HMG20A: variants seen among roughly 807,000 people sequenced by gnomAD.
HMG20A encodes the protein high mobility group protein 20A.
HMG20A carries 17 observed loss-of-function variants against 43.9 expected under a neutral mutation model. That is an observed-to-expected ratio of 0.39 (90% CI 0.27 to 0.58). The LOEUF (loss-of-function observed/expected upper bound fraction) is 0.58, where lower values mean the gene tolerates loss of function less well. Among genes scored for constraint, HMG20A ranks in the 20% least tolerant of loss-of-function variants. The pLI is 0.59. For missense variants in HMG20A, 341 were observed against 438.2 expected, an observed-to-expected ratio of 0.78 and a Z score of 1.98; for synonymous variants, 132 against 147.5, an observed-to-expected ratio of 0.89 and a Z score of 0.76.
At chr15:77,490,227 G>A (rs911369486), downstream of HMG20A, among the ~76,000 whole-genome samples, 4 of 152,148 alleles carry the variant, frequency 2.6e-5, no homozygotes, top group Non-Finnish European at 5.9e-5. Flanking sequence ...GGTGGGGGTT[G>A]CAGTGAGCCA....
downstream of HMG20A, chr15:77,485,683 C>G (rs942382060): frequency 3.9e-5 from 6 of 152,200 alleles, no homozygotes; most frequent in African/African-American, 2.4e-5. Context: ...CCTGTAATCC[C>G]AACACTTTGG....
At chr15:77,479,376 T>A in intron 9 of HMG20A, 55 bp downstream of exon 9, 1 of 1,548,092 alleles carries the variant, frequency 6.5e-7, no homozygotes, top group Non-Finnish European at 8.8e-7. Context: ...AAATAAGATG[T>A]CATCAGACTT....
At chr15:77,469,100 G>A (rs952034374) in intron 4 of HMG20A, among the ~76,000 whole-genome samples, 16 of 151,640 alleles carry the variant, frequency 1.1e-4, no homozygotes, top group African/African-American at 3.6e-4. Flanking sequence ...TGCATAGGTG[G>A]TGGTGTGTTC....
chr15:77,514,875 G>T, the HMG20A span, among the ~76,000 whole-genome samples: 3 of 152,218 alleles, frequency 2.0e-5, no homozygotes, highest in African/African-American at 7.2e-5. Flanking sequence ...GCTTGACTCT[G>T]CATGTGCTGT....
chr15:77,464,908 CT>C (rs113381963), intron 3 of HMG20A: 3,317 of 145,230 alleles, frequency 0.023, 55 homozygotes, highest in African/African-American at 0.05. Flanking sequence ...TTAAGGCACT[CT>C]TTTTTTTTTT....
At chr15:77,462,772 C>CTTTTTTT (rs71145836) in intron 2 of HMG20A, among the ~76,000 whole-genome samples, 119 of 127,750 alleles carry the variant, frequency 9.3e-4, no homozygotes, top group Middle Eastern at 4.1e-3. Flanking sequence ...TTTTCTTTTT[C>CTTTTTTT]TTTTTTTTTT....
the HMG20A span, among the ~76,000 whole-genome samples, chr15:77,496,164 C>T: frequency 1.1e-4 from 17 of 152,178 alleles, no homozygotes; most frequent in Non-Finnish European, 2.2e-4. Flanking sequence ...CCAAATGTCC[C>T]TGTCTTAAAC....
rs1011148795 is a variant in HMG20A at position 77,482,993 on chromosome 15, A to G, written c.*30A>G. On this transcript the variant is annotated 3_prime_UTR_variant, in exon 10 of 10. Coordinates refer to ENST00000336216, the MANE Select transcript of HMG20A (RefSeq NM_001304504.2). ...AGGTCTTAGAACTCCAAGATGTTCC[A>G]TAAGTGTTTTTACTTGTGAGGAATG... 5 of 152,146 alleles carry G rather than the reference A, an allele frequency of 3.3e-5. No individual in the cohort carries two copies. The highest frequency in any genetic ancestry group is 4.4e-5 in the Non-Finnish European group (3 of 68,030). 9.4% of individuals were successfully genotyped at this position (152,146 alleles called of 1,614,324 possible).
chr15:77,421,305 G>T (rs2142250618), intron 1 of HMG20A, among the ~76,000 whole-genome samples: 1 of 152,332 alleles, frequency 6.6e-6, no homozygotes, highest in African/African-American at 2.4e-5. Context: ...GCAGCTTGGG[G>T]ATTGTGTTTT....
At chr15:77,504,357 C>CA in the HMG20A span, among the ~76,000 whole-genome samples, 15 of 152,334 alleles carry the variant, frequency 9.8e-5, no homozygotes, top group East Asian at 2.9e-3. Flanking sequence ...TGTAAGGAGA[C>CA]AGAGTACCAA....
the HMG20A span, among the ~76,000 whole-genome samples, chr15:77,499,533 C>G: frequency 2.3e-4 from 35 of 151,584 alleles, no homozygotes; most frequent in African/African-American, 5.3e-4. Context: ...ATGCTCCCCC[C>G]CACACACACA....
chr15:77,515,246 AG>A, the HMG20A span, among the ~76,000 whole-genome samples: 2 of 152,146 alleles, frequency 1.3e-5, no homozygotes, highest in African/African-American at 4.8e-5. Flanking sequence ...ACTGTGGAAA[AG>A]GGGGAGTGTA....
intron 1 of HMG20A, among the ~76,000 whole-genome samples, chr15:77,421,251 C>G (rs2073328396): frequency 6.6e-6 from 1 of 152,154 alleles, no homozygotes; most frequent in Non-Finnish European, 1.5e-5. Context: ...CTGATGAGGG[C>G]TTGAAAAGGT....
chr15:77,436,586 G>A (rs2073551437), intron 1 of HMG20A, among the ~76,000 whole-genome samples: 1 of 151,704 alleles, frequency 6.6e-6, no homozygotes, highest in African/African-American at 2.4e-5. Flanking sequence ...AGCCTCCCAA[G>A]TAGCTGGGGC....
the HMG20A span, among the ~76,000 whole-genome samples, chr15:77,508,856 C>A: frequency 6.6e-6 from 1 of 152,220 alleles, no homozygotes; most frequent in South Asian, 2.1e-4. Context: ...TTTTGATTTG[C>A]ACATGGTAAG....
the HMG20A span, among the ~76,000 whole-genome samples, chr15:77,504,184 C>T: frequency 6.6e-6 from 1 of 152,206 alleles, no homozygotes. Flanking sequence ...AGTGGGGAGC[C>T]CTGTGGGAAC....
intron 3 of HMG20A, among the ~76,000 whole-genome samples, chr15:77,465,116 G>A (rs1166560528): frequency 4.6e-5 from 7 of 151,704 alleles, no homozygotes; most frequent in Admixed American, 4.6e-4. Context: ...CAAAAAATTA[G>A]CCAGGTGCAG....
the HMG20A span, among the ~76,000 whole-genome samples, chr15:77,516,739 AG>A: frequency 2.0e-5 from 3 of 152,156 alleles, no homozygotes; most frequent in Non-Finnish European, 4.4e-5. Flanking sequence ...AGAACTTCCC[AG>A]GGGAAGAAGG....
intron 2 of HMG20A, among the ~76,000 whole-genome samples, chr15:77,459,761 T>C (rs1367011586): frequency 6.6e-6 from 1 of 152,152 alleles, no homozygotes; most frequent in Non-Finnish European, 1.5e-5. Flanking sequence ...GAGGACTACA[T>C]CAGTCCTTCT....
Sources: allele counts gnomAD v4.1 joint callset (sites outside exome capture counted in the v4.1 genomes callset), GRCh38; gene constraint gnomAD v4.1.1; transcripts MANE v1.5; gene names NCBI Gene and HGNC (gene_info 2026-07-23, HGNC 2026-07-21).